Variants in DYRK1B observed in about 807,000 individuals in gnomAD.
The protein encoded by DYRK1B is dual specificity tyrosine phosphorylation regulated kinase 1B.
A neutral mutation model predicts 57.1 loss-of-function variants in DYRK1B; 20 were observed. The observed-to-expected ratio is 0.35, with a 90% CI of 0.25 to 0.51. DYRK1B has a LOEUF of 0.51. Ranked by LOEUF, DYRK1B falls within the 20% of genes least tolerant of loss-of-function variation. The pLI, the probability that DYRK1B is intolerant of heterozygous loss-of-function variation, is 0.96. For missense variants in DYRK1B, 732 were observed against 886.3 expected (o/e 0.83, Z 2.21); for synonymous variants, 409 against 384.7 (o/e 1.06, Z -0.74).
In DYRK1B at chr19:39,828,572, G is replaced by A. The variant is rs1239418224; in HGVS notation, c.532C>T (p.Arg178Trp). ...EMKYYIVHLKRHFMFRNHLCL... is the reference protein window; with the variant it reads ...EMKYYIVHLKWHFMFRNHLCL... ...AGGTGGTTCCGGAACATGAAGTGCC[G>A]CTTCAGGTGTACTGCGGGGGAGGGG... Residue 178 changes from arginine (R) to tryptophan (W), a missense_variant, in exon 6 of 11, where the codon CGG becomes TGG. This residue lies in a region of DYRK1B where 510 missense variants were observed against 681.3 expected (regional missense o/e 0.75). Coordinates refer to ENST00000323039, the MANE Select transcript of DYRK1B (RefSeq NM_004714.3). This position sits in a 1 kb window ranked among gnomAD's most constrained non-coding sequence, Gnocchi z 4.3. 2.5e-6 allele frequency: 4 copies of A among 1,607,960 alleles called. No homozygotes were observed. The highest frequency in any genetic ancestry group is 4.5e-5 in the East Asian group (2 of 44,714).
chr19:39,832,060 G>A lies in DYRK1B; in HGVS notation c.-101-92C>T. 2 of 1,316,970 alleles carry A rather than the reference G, an allele frequency of 1.5e-6. 1 individual carries two copies. Among genetic ancestry groups the A allele is most frequent in the Non-Finnish European group, 2.0e-6 (2 of 1,022,054 alleles). 81.6% of individuals were successfully genotyped at this position (1,316,970 alleles called of 1,614,324 possible). ...GAAGAGTGGACATGAGAAAGACAGGGCACAGAGAGAAGAGGAAAAGGGCAC... is the reference window on the plus strand; with the variant it reads ...GAAGAGTGGACATGAGAAAGACAGGACACAGAGAGAAGAGGAAAAGGGCAC... On this transcript the variant is annotated intron_variant, in intron 1 of 10. Coordinates refer to ENST00000323039, the MANE Select transcript of DYRK1B (RefSeq NM_004714.3).
intron 8 of DYRK1B, 83 bp from the exon 9 acceptor site, chr19:39,827,070 G>A (rs1357593147): frequency 5.6e-6 from 7 of 1,254,906 alleles, no homozygotes; most frequent in Non-Finnish European, 7.5e-6. Context: ...CGGGGAAACA[G>A]AGGCACAAGA....
chr19:39,832,704 G>T (rs1329595667), intron 1 of DYRK1B, among the ~76,000 whole-genome samples: 2 of 152,004 alleles, frequency 1.3e-5, no homozygotes, highest in Non-Finnish European at 2.9e-5. Context: ...TCCATATCAT[G>T]CCAAGACCGC....
At chr19:39,832,691 CT>C (rs1452855571) in intron 1 of DYRK1B, among the ~76,000 whole-genome samples, 2 of 152,090 alleles carry the variant, frequency 1.3e-5, no homozygotes, top group Non-Finnish European at 1.5e-5. Flanking sequence ...CTAGGGGACC[CT>C]CTCCATATCA....
intron 6 of DYRK1B, 112 bp from the exon 7 acceptor site, chr19:39,827,768 C>G (rs1968608695): frequency 7.4e-7 from 1 of 1,342,866 alleles, no homozygotes; most frequent in Non-Finnish European, 1.0e-6. Context: ...AAAATGGGGA[C>G]TGAGGCTCCA....
rs766716069 is a variant in DYRK1B, at chr19:39,828,312, G to A, written c.792C>T (p.Cys264=). ...AIKIVDFGSS[C]QLGQRIYQYI... ...CGCCCCCTACCCTCTGGCCAAGCTG[G>A]CAGGAGCTGCCGAAGTCCACAATCT... is the stretch of plus-strand genomic sequence containing the variant. The change falls in exon 6 of 11, where the codon TGC becomes TGT. Residue 264 remains cysteine, a synonymous_variant. Transcript: ENST00000323039. This position sits in a 1 kb window ranked among gnomAD's most constrained non-coding sequence, Gnocchi z 4.3. 26 of 1,613,990 alleles carry A rather than the reference G, an allele frequency of 1.6e-5. No homozygotes were observed. The highest frequency in any genetic ancestry group is 1.9e-5 in the Non-Finnish European group (22 of 1,180,036).
intron 6 of DYRK1B, among the ~76,000 whole-genome samples, chr19:39,827,931 A>G (rs1373094797): frequency 6.6e-6 from 1 of 152,134 alleles, no homozygotes; most frequent in East Asian, 1.9e-4. Context: ...CTGACATTCC[A>G]TAAGCCCTAT....
At position 39,827,505 on chromosome 19, in the gene DYRK1B, C is replaced by A. The variant is rs1241562061; in HGVS notation, c.954+5G>T. On this transcript the variant is annotated splice_donor_5th_base_variant and intron_variant, in intron 7 of 10. Coordinates refer to ENST00000323039, the MANE Select transcript of DYRK1B (RefSeq NM_004714.3). ...CCTCCAGCACACCCCTTCCTGGGGG[C>A]ACACCTCATTGGAGCCACTGAAGAG... is the stretch of plus-strand genomic sequence containing the variant. 4 of 1,613,310 alleles carry A rather than the reference C, an allele frequency of 2.5e-6. No individual in the cohort carries two copies. Among genetic ancestry groups the A allele is most frequent in the South Asian group, 2.2e-5 (2 of 91,066 alleles).
intron 4 of DYRK1B, 131 bp from the exon 5 acceptor site, chr19:39,830,158 G>A (rs1456151347): frequency 8.1e-6 from 10 of 1,236,454 alleles, no homozygotes; most frequent in Non-Finnish European, 1.1e-5. Context: ...CGCACCATTA[G>A]TCAGGCGCTG....
At chr19:39,827,456 G>A (rs774420163) in intron 7 of DYRK1B, 31 bp from the exon 8 acceptor site, 12 of 1,609,270 alleles carry the variant, frequency 7.5e-6, no homozygotes, top group African/African-American at 1.3e-5. Flanking sequence ...AGGTCATCAG[G>A]CCAGCCAGGC....
At chr19:39,833,870 T>C (rs1968951052) in intron 1 of DYRK1B, among the ~76,000 whole-genome samples, 153 bp downstream of exon 1, 1 of 152,014 alleles carries the variant, frequency 6.6e-6, no homozygotes, top group Non-Finnish European at 1.5e-5. Context: ...AATTCAACTA[T>C]GAATAGCCAG....
chr19:39,830,752 C>T lies in DYRK1B; in HGVS notation c.95G>A (p.Arg32Lys). ...TGCATCCCGGAAGGCCAGGGGCAGC[C>T]TCCGAGGCAGTAGCCGCACATCAGG... ...VLPDVRLLPR[R>K]LPLAFRDATS... The change falls in exon 3 of 11, where the codon AGG (arginine) becomes AAG (lysine). Residue 32 changes from arginine (R) to lysine (K), a missense_variant. Transcript: ENST00000323039. 6.2e-7 allele frequency: 1 copy of T among 1,613,990 alleles called. No homozygotes were observed. Among genetic ancestry groups the T allele is most frequent in the South Asian group, 1.1e-5 (1 of 91,046 alleles).
rs757997493 is a variant in DYRK1B, at chr19:39,826,718, G to A, written c.1365C>T (p.Leu455=). ...GSSASTSPAP[L]DTCPSSSTAS... ...CGGTGCTGGAAGAGGGGCAGGTGTC[G>A]AGGGGCGCGGGCGAGGTGGAGGCAC... is the stretch of plus-strand genomic sequence containing the variant. Residue 455 remains leucine (L), a synonymous_variant, in exon 9 of 11, where the codon CTC becomes CTT. Transcript: ENST00000323039. This position sits in a 1 kb window ranked among gnomAD's most constrained non-coding sequence, Gnocchi z 6.3. 19 of 1,604,828 alleles carry A rather than the reference G, an allele frequency of 1.2e-5. No homozygotes were observed. The highest frequency in any genetic ancestry group is 1.7e-4 in the Middle Eastern group (1 of 5,906).
Position 39,828,197 on chromosome 19 carries a change from C to G in DYRK1B, c.807+100G>C, listed in dbSNP as rs1968628464. 2 of 1,347,256 alleles carry G rather than the reference C, an allele frequency of 1.5e-6. No homozygotes were observed. The highest frequency in any genetic ancestry group is 4.2e-5 in the Admixed American group (2 of 48,144). The allele number at this position is 1,347,256 out of a possible 1,614,324, so 83.5% of individuals were successfully genotyped here. A position where few individuals can be genotyped will look rare whatever the true frequency, so the allele number is the denominator to read the frequency against. On this transcript the variant is annotated intron_variant, in intron 6 of 10. Transcript: ENST00000323039. The surrounding 1 kb of genome is among the most constrained non-coding windows in gnomAD (Gnocchi z 4.3). ...CATTATCCCTCAGTTCCCACGGCTC[C>G]TAATAATCCCATCCCAGCCAAGCCC...
At chr19:39,832,525 G>A (rs182820804) in intron 1 of DYRK1B, among the ~76,000 whole-genome samples, 1 of 152,010 alleles carries the variant, frequency 6.6e-6, no homozygotes, top group East Asian at 1.9e-4. Context: ...CAAACCACAT[G>A]AGTCTTCCCC....
chr19:39,832,958 T>C (rs1183337097), intron 1 of DYRK1B: 6 of 985,120 alleles, frequency 6.1e-6, no homozygotes, highest in Non-Finnish European at 7.2e-6. Flanking sequence ...CACCCTAATA[T>C]TCCTACCACA....
At position 39,826,994 on chromosome 19, in the gene DYRK1B, G is replaced by A. The variant is rs2145008321; in HGVS notation, c.1096-7C>T. On this transcript the variant is annotated splice_region_variant and splice_polypyrimidine_tract_variant and intron_variant, in intron 8 of 10. Transcript: ENST00000323039. This position sits in a 1 kb window ranked among gnomAD's most constrained non-coding sequence, Gnocchi z 6.3. ...TCCCGGGGCCCTGGTAATCCTGGCA[G>A]GGAGGGGGTGGGAGGGGGGGCAAGA... is the stretch of plus-strand genomic sequence containing the variant. 2 of 1,415,148 alleles carry A rather than the reference G, an allele frequency of 1.4e-6. No homozygotes were observed. The highest frequency in any genetic ancestry group is 1.8e-6 in the Non-Finnish European group (2 of 1,081,950). The allele number at this position is 1,415,148 out of a possible 1,614,324, so 87.7% of individuals were successfully genotyped here.
At chr19:39,833,002 G>A (rs1968895170) in intron 1 of DYRK1B, 5 of 984,982 alleles carry the variant, frequency 5.1e-6, no homozygotes, top group Admixed American at 6.2e-5. Flanking sequence ...TTATACCAGG[G>A]TCATTCCACA....
intron 2 of DYRK1B, 45 bp downstream of exon 2, chr19:39,831,760 C>T (rs1261661001): frequency 1.9e-6 from 3 of 1,548,700 alleles, no homozygotes; most frequent in East Asian, 2.4e-5. Flanking sequence ...CTATCCCCAG[C>T]CTCCCCCTAC....
Sources: gnomAD v4.1 joint callset for allele counts (sites outside exome capture counted in the v4.1 genomes callset) on GRCh38, gnomAD v4.1.1 for gene constraint, gnomAD v4.1.1 regional missense constraint, Gnocchi (gnomAD v3.1) non-coding constraint, MANE v1.5 for transcripts, NCBI Gene and HGNC (gene_info 2026-07-23, HGNC 2026-07-21) for gene names.